Variants in TERF1 observed in about 807,000 individuals in gnomAD.
The protein encoded by TERF1 is telomeric repeat binding factor 1, also known as telomeric repeat-binding factor 1.
A neutral mutation model predicts 55.1 loss-of-function variants in TERF1; 20 were observed. The observed-to-expected ratio is 0.36, with a 90% CI of 0.26 to 0.53. The LOEUF is 0.53. Ranked by LOEUF, TERF1 falls within the 20% of genes least tolerant of loss-of-function variation. The pLI is 0.91. For missense variants in TERF1, 439 were observed against 535.7 expected, an observed-to-expected ratio of 0.82 and a Z score of 1.78; for synonymous variants, 168 against 181.2, an observed-to-expected ratio of 0.93 and a Z score of 0.59.
At chr8:73,045,827 A>T in intron 9 of TERF1, 134 bp from the exon 10 acceptor site, 1 of 635,414 alleles carries the variant, frequency 1.6e-6, no homozygotes, top group Non-Finnish European at 2.5e-6. Context: ...TAAAAATCTA[A>T]GAAATGTTTA....
At chr8:73,031,538 T>TG (rs1809284707) in intron 7 of TERF1, 1 of 152,238 alleles carries the variant, frequency 6.6e-6, no homozygotes, top group Admixed American at 6.5e-5. Flanking sequence ...TAATACCAAT[T>TG]TGGCAGAGTT....
intron 8 of TERF1, among the ~76,000 whole-genome samples, chr8:73,035,420 GA>G (rs1280134308): frequency 2.3e-4 from 35 of 151,418 alleles, no homozygotes; most frequent in African/African-American, 6.8e-4. Context: ...ATGCTTCGTA[GA>G]TTTTTTTTTT....
chr8:73,022,610 A>G (rs1317522190), intron 4 of TERF1, among the ~76,000 whole-genome samples: 1 of 152,114 alleles, frequency 6.6e-6, no homozygotes, highest in Non-Finnish European at 1.5e-5. Context: ...AAGGAATAAT[A>G]AATAATGAAA....
In TERF1 at chr8:73,008,913, C is replaced by T. The variant is rs763338709; in HGVS notation, c.27C>T (p.Ala9=). 8 of 1,610,442 alleles carry T rather than the reference C, an allele frequency of 5.0e-6. No homozygotes were observed. Among genetic ancestry groups the T allele is most frequent in the Non-Finnish European group, 6.8e-6 (8 of 1,178,728 alleles). The change falls in exon 1 of 10, where the codon GCC becomes GCT. Residue 9 remains alanine (A), a synonymous_variant. Transcript: ENST00000276603. MAEDVSSA[A]PSPRGCADGR... is the part of the protein sequence containing the mutation. ...TGGCGGAGGATGTTTCCTCAGCGGC[C>T]CCGAGCCCGCGGGGCTGTGCGGATG...
chr8:73,019,432 A>G (rs1808655853), intron 2 of TERF1, among the ~76,000 whole-genome samples: 1 of 152,212 alleles, frequency 6.6e-6, no homozygotes, highest in Non-Finnish European at 1.5e-5. Context: ...CATGCAGTCC[A>G]TTAGCAGGTT....
At chr8:73,042,023 C>T (rs1809852773) in intron 9 of TERF1, among the ~76,000 whole-genome samples, 1 of 152,160 alleles carries the variant, frequency 6.6e-6, no homozygotes, top group Non-Finnish European at 1.5e-5. Flanking sequence ...TTCAGGACAG[C>T]AGTTTGCCCT....
chr8:73,014,841 A>G (rs1808430928), intron 2 of TERF1, among the ~76,000 whole-genome samples: 1 of 152,074 alleles, frequency 6.6e-6, no homozygotes, highest in Non-Finnish European at 1.5e-5. Flanking sequence ...GTAGGTCTGG[A>G]GTTGGTGCCA....
intron 2 of TERF1, among the ~76,000 whole-genome samples, chr8:73,019,349 A>G (rs964000028): frequency 2.0e-5 from 3 of 152,186 alleles, no homozygotes; most frequent in African/African-American, 7.2e-5. Context: ...CAGGCTTCCT[A>G]TGATAGTAAA....
intron 9 of TERF1, among the ~76,000 whole-genome samples, chr8:73,044,524 T>C (rs1809958665): frequency 6.6e-6 from 1 of 152,202 alleles, no homozygotes; most frequent in Non-Finnish European, 1.5e-5. Context: ...TGGATTTTTT[T>C]TTCTTCGATT....
intron 8 of TERF1, among the ~76,000 whole-genome samples, chr8:73,037,845 A>T (rs1308582463): frequency 2.8e-5 from 3 of 105,748 alleles, no homozygotes; most frequent in African/African-American, 1.3e-4. Context: ...AATATATATA[A>T]TATATAATAT....
intron 4 of TERF1, among the ~76,000 whole-genome samples, chr8:73,022,751 A>G (rs1442358933): frequency 6.6e-6 from 1 of 152,168 alleles, no homozygotes; most frequent in Non-Finnish European, 1.5e-5. Context: ...GTTCAAGAGC[A>G]GCCTGGGCAA....
At chr8:73,038,647 T>G (rs1466118780) in intron 8 of TERF1, 2 of 390,872 alleles carry the variant, frequency 5.1e-6, no homozygotes, top group East Asian at 3.3e-4. Flanking sequence ...TAGATTCTCT[T>G]AGGTTTTCTG....
intron 4 of TERF1, among the ~76,000 whole-genome samples, chr8:73,022,583 C>A (rs1808811049): frequency 6.6e-6 from 1 of 151,728 alleles, no homozygotes; most frequent in African/African-American, 2.4e-5. Context: ...TGGAGAGATC[C>A]TCATCTCTCC....
At chr8:73,009,280 G>GCAGC in intron 1 of TERF1, 75 bp downstream of exon 1, 1 of 1,313,868 alleles carries the variant, frequency 7.6e-7, no homozygotes, top group Non-Finnish European at 1.0e-6. Context: ...GCAGAGGGCT[G>GCAGC]GTTCCCTACG....
At chr8:73,030,867 G>T (rs1586052291) in intron 7 of TERF1, 1 of 152,484 alleles carries the variant, frequency 6.6e-6, no homozygotes, top group African/African-American at 2.4e-5. Flanking sequence ...ACATAGAGCA[G>T]TTGGGATCAC....
At chr8:73,031,559 A>G (rs1413417869) in intron 7 of TERF1, 1 of 152,254 alleles carries the variant, frequency 6.6e-6, no homozygotes, top group African/African-American at 2.4e-5. Context: ...TTCAAAAAAA[A>G]TGATGCCACA....
rs767125396 is a variant in TERF1, at chr8:73,008,921, C to T, written c.35C>T (p.Pro12Leu). The T allele has an allele frequency of 8.7e-6, 14 of 1,611,610 alleles. No homozygotes were observed. The Admixed American group carries it at 2.2e-4, about 25-fold the overall frequency. The change falls in exon 1 of 10, where the codon CCG becomes CTG. Residue 12 changes from proline (P) to leucine (L), a missense_variant. Transcript: ENST00000276603. The part of the protein sequence containing the change: ...AEDVSSAAPS[P>L]RGCADGRDAD... ...GATGTTTCCTCAGCGGCCCCGAGCC[C>T]GCGGGGCTGTGCGGATGGTAGGGAT...
At position 73,046,932 on chromosome 8, in the gene TERF1, CA is replaced by C. The variant is rs1563478567; in HGVS notation, c.*796del. The C allele has an allele frequency of 6.6e-6, 1 of 152,090 alleles. No homozygotes were observed. Among genetic ancestry groups the C allele is most frequent in the Non-Finnish European group, 1.5e-5 (1 of 68,036 alleles). 9.4% of individuals were successfully genotyped at this position (152,090 alleles called of 1,614,324 possible). A position where few individuals can be genotyped will look rare whatever the true frequency, so the allele number is the denominator to read the frequency against. On this transcript the variant is annotated 3_prime_UTR_variant, in exon 10 of 10. Coordinates refer to ENST00000276603, the MANE Select transcript of TERF1 (RefSeq NM_017489.3). The stretch of plus-strand genomic sequence containing the variant: ...ATAAATGTACAGAGTAACCTATAAG[CA>C]TGACATACTTTTGCTTTCAGTAGTT...
At position 73,036,488 on chromosome 8, in the gene TERF1, A is replaced by T. The variant is rs139629398; in HGVS notation, c.1040-2628A>T. Among the ~76,000 whole-genome samples, 549 of 152,228 alleles carry T rather than the reference A, an allele frequency of 3.6e-3. 7 individuals carry two copies. The highest frequency in any genetic ancestry group is 0.019 in the South Asian group (92 of 4,830). On this transcript the variant is annotated intron_variant, in intron 8 of 9. Coordinates refer to ENST00000276603, the MANE Select transcript of TERF1 (RefSeq NM_017489.3). ...ATAGATGATTTTGCAGAGAACTGAC[A>T]CCATTACATTAAGTTTCCTGTGCAT... is the stretch of plus-strand genomic sequence containing the variant.
Sources: gnomAD v4.1 joint callset for allele counts (sites outside exome capture counted in the v4.1 genomes callset) on GRCh38, gnomAD v4.1.1 for gene constraint, MANE v1.5 for transcripts, NCBI Gene and HGNC (gene_info 2026-07-23, HGNC 2026-07-21) for gene names.